The following LRRK1 variants were observed in gnomAD, a reference collection of about 807,000 sequenced individuals.
LRRK1 encodes leucine rich repeat kinase 1.
LRRK1 carries 113 observed loss-of-function variants against 209.1 expected under a neutral mutation model. That is an observed-to-expected ratio of 0.54 (90% CI 0.46 to 0.63). The LOEUF is 0.63. Among genes scored for constraint, LRRK1 ranks in the 30% least tolerant of loss-of-function variants. LRRK1 has a pLI of 0.00. For missense variants in LRRK1, 2,284 were observed against 2,632.2 expected, an observed-to-expected ratio of 0.87 and a Z score of 2.89; for synonymous variants, 1,144 against 1,099.7, an observed-to-expected ratio of 1.04 and a Z score of -0.80.
At position 101,025,943 on chromosome 15, in the gene LRRK1, G is replaced by T. The variant is rs755384184; in HGVS notation, c.2233-22G>T. ...GTTCCATGAACAGAGACAGTACTCA[G>T]CCGTGGGGTTCTCTGTTGCAGGCCA... is the stretch of plus-strand genomic sequence containing the variant. On this transcript the variant is annotated intron_variant, in intron 16 of 33. Coordinates refer to ENST00000388948, the MANE Select transcript of LRRK1 (RefSeq NM_024652.6). 5 of 1,613,588 alleles carry T rather than the reference G, an allele frequency of 3.1e-6. No homozygotes were observed. The South Asian group carries it at 5.5e-5, about 18-fold the overall frequency.
intron 2 of LRRK1, among the ~76,000 whole-genome samples, chr15:100,962,812 TATATATA>T (rs1446302268): frequency 3.2e-5 from 1 of 31,664 alleles, no homozygotes; most frequent in African/African-American, 1.0e-4. Flanking sequence ...TATATATATA[TATATATA>T]TATATTTTTT....
At chr15:101,037,438 C>T (rs888466520) in intron 20 of LRRK1, among the ~76,000 whole-genome samples, 1 of 152,094 alleles carries the variant, frequency 6.6e-6, no homozygotes, top group African/African-American at 2.4e-5. Context: ...GCACAGGGGC[C>T]AGGGGACATG....
At chr15:101,066,241 C>A (rs754543159) in intron 32 of LRRK1, 36 bp downstream of exon 32, 3 of 1,567,552 alleles carry the variant, frequency 1.9e-6, no homozygotes, top group Non-Finnish European at 1.7e-6. Context: ...ATCCAGGGCA[C>A]GCCCACTGCT....
chr15:100,990,982 C>T (rs1402692788), intron 6 of LRRK1, among the ~76,000 whole-genome samples: 1 of 151,984 alleles, frequency 6.6e-6, no homozygotes, highest in Non-Finnish European at 1.5e-5. Flanking sequence ...AAGCTTTAAC[C>T]TTTCTGGTAT....
intron 2 of LRRK1, among the ~76,000 whole-genome samples, chr15:100,966,026 A>G (rs936617936): frequency 6.6e-6 from 1 of 152,198 alleles, no homozygotes; most frequent in East Asian, 1.9e-4. Flanking sequence ...CTTTATGAGG[A>G]AAATATTTAG....
intron 5 of LRRK1, 113 bp from the exon 6 acceptor site, chr15:100,989,137 C>A: frequency 1.1e-6 from 1 of 945,694 alleles, no homozygotes; most frequent in Non-Finnish European, 1.6e-6. Context: ...ATAGAGAAGT[C>A]CAACATGCAC....
chr15:100,939,321 T>C (rs2042359434), intron 2 of LRRK1, among the ~76,000 whole-genome samples: 1 of 152,214 alleles, frequency 6.6e-6, no homozygotes, highest in Admixed American at 6.5e-5. Context: ...TGTTTGTCCT[T>C]TGCAATTTTC....
At chr15:100,981,550 G>C (rs2031601258) in intron 3 of LRRK1, among the ~76,000 whole-genome samples, 1 of 152,152 alleles carries the variant, frequency 6.6e-6, no homozygotes, top group Admixed American at 6.5e-5. Flanking sequence ...AACAGAACCT[G>C]AGCCTTCCTC....
chr15:101,022,240 T>C lies in LRRK1; in HGVS notation c.1853-143T>C, dbSNP rs1596286349. The C allele has an allele frequency of 2.4e-6, 2 of 830,440 alleles. No homozygotes were observed. The highest frequency in any genetic ancestry group is 3.8e-6 in the Non-Finnish European group (2 of 521,718). The allele number at this position is 830,440 out of a possible 1,614,324, so 51.4% of individuals were successfully genotyped here. ...CTTTTAGGGTGGTTAGTGTCATGCC[T>C]TCCCTCCCCCTGATCCAGTAGTCTT... On this transcript the variant is annotated intron_variant, in intron 14 of 33. Transcript: ENST00000388948. This position sits in a 1 kb window ranked among gnomAD's most constrained non-coding sequence, Gnocchi z 4.0.
At chr15:100,989,579 G>A in intron 6 of LRRK1, 181 bp downstream of exon 6, 1 of 635,344 alleles carries the variant, frequency 1.6e-6, no homozygotes, top group Non-Finnish European at 2.7e-6. Flanking sequence ...ATATGAAGGT[G>A]GAGGGCAAGA....
chr15:101,027,455 C>T lies in LRRK1; in HGVS notation c.2526+74C>T. On this transcript the variant is annotated intron_variant, in intron 18 of 33. Transcript: ENST00000388948. The surrounding 1 kb of genome is among the most constrained non-coding windows in gnomAD (Gnocchi z 5.1). ...GTTGGGGGTCCTCACTTCCCCCTCT[C>T]TCCTGTGAAGCCCATGTCTGTGTGG... 2.5e-6 allele frequency: 4 copies of T among 1,569,808 alleles called. No individual in the cohort carries two copies. The highest frequency in any genetic ancestry group is 2.6e-6 in the Non-Finnish European group (3 of 1,157,110).
At chr15:101,028,031 T>G (rs1295753561) in intron 19 of LRRK1, among the ~76,000 whole-genome samples, 2 of 152,204 alleles carry the variant, frequency 1.3e-5, no homozygotes, top group Non-Finnish European at 2.9e-5. Flanking sequence ...ACATACAAGC[T>G]GATGGACTGG....
Position 100,927,162 on chromosome 15 carries a change from C to T in LRRK1, c.97+2433C>T, listed in dbSNP as rs147524466. Reference sequence around the variant, plus strand: ...TCATTCAGGAGGCCTGGGGCACAGACAGCCTGCGTTTCTAGGTCCCCAGGG... The same window carrying T: ...TCATTCAGGAGGCCTGGGGCACAGATAGCCTGCGTTTCTAGGTCCCCAGGG... On this transcript the variant is annotated intron_variant, in intron 2 of 33. Transcript: ENST00000388948. Among the ~76,000 whole-genome samples the T allele has an allele frequency of 1.4e-4, 22 of 152,342 alleles. No homozygotes were observed. The East Asian group carries it at 4.0e-3, about 28-fold the overall frequency.
chr15:100,960,227 G>A (rs570738142), intron 2 of LRRK1, among the ~76,000 whole-genome samples: 3 of 145,104 alleles, frequency 2.1e-5, no homozygotes, highest in South Asian at 2.2e-4. Context: ...CAAAATCACC[G>A]TTCTTTGCTC....
At chr15:100,944,885 C>CT (rs1342165082) in intron 2 of LRRK1, among the ~76,000 whole-genome samples, 1 of 152,194 alleles carries the variant, frequency 6.6e-6, no homozygotes, top group Non-Finnish European at 1.5e-5. Flanking sequence ...CTTCCAGAAT[C>CT]TTTTTTATAA....
chr15:101,046,103 A>G lies in LRRK1; in HGVS notation c.3086A>G (p.Gln1029Arg). ...AGCTTCGTTCCCGTTGGCTTCTGGC[A>G]AAGGTTTATAGCACGGATGCTGATC... Reference protein sequence around the residue: ...KMSFVPVGFWQRFIARMLISL... With the variant: ...KMSFVPVGFWRRFIARMLISL... Residue 1029 changes from glutamine to arginine, a missense_variant, in exon 21 of 34, where the codon CAA (glutamine) becomes CGA (arginine). Gln to Arg is a conservative substitution (Grantham distance 43). Coordinates refer to ENST00000388948, the MANE Select transcript of LRRK1 (RefSeq NM_024652.6). 1 of 1,614,250 alleles carries G rather than the reference A, an allele frequency of 6.2e-7. No homozygotes were observed. The highest frequency in any genetic ancestry group is 8.5e-7 in the Non-Finnish European group (1 of 1,180,042).
rs1054519648 is a variant in LRRK1 at position 101,074,410 on chromosome 15, C to A, written c.*5562C>A. The A allele has an allele frequency of 6.6e-6, 1 of 152,198 alleles. No homozygotes were observed. 9.4% of individuals were successfully genotyped at this position (152,198 alleles called of 1,614,324 possible). On this transcript the variant is annotated 3_prime_UTR_variant, in exon 34 of 34. Coordinates refer to ENST00000388948, the MANE Select transcript of LRRK1 (RefSeq NM_024652.6). ...GCTAAAGGCATAGTCAAGGTTAATGCTCCTTTTTCTTTATCCCAAATCAGA... is the reference window on the plus strand; with the variant it reads ...GCTAAAGGCATAGTCAAGGTTAATGATCCTTTTTCTTTATCCCAAATCAGA...
rs2034114823 is a variant in LRRK1 at position 101,027,894 on chromosome 15, G to A, written c.2686+97G>A. The stretch of plus-strand genomic sequence containing the variant: ...TGGCCTCAGTAATGAATGAGAGACC[G>A]ACACCCAGCCTGCGTTTCTGCCTTC... On this transcript the variant is annotated intron_variant, in intron 19 of 33. Transcript: ENST00000388948. The surrounding 1 kb of genome is among the most constrained non-coding windows in gnomAD (Gnocchi z 5.1). 7.0e-6 allele frequency: 8 copies of A among 1,141,150 alleles called. No homozygotes were observed. Among genetic ancestry groups the A allele is most frequent in the Admixed American group, 2.7e-5 (1 of 36,512 alleles). 70.7% of individuals were successfully genotyped at this position (1,141,150 alleles called of 1,614,324 possible).
At position 100,973,861 on chromosome 15, in the gene LRRK1, C is replaced by T; in HGVS notation, c.155C>T (p.Ser52Phe). The change falls in exon 3 of 34, where the codon TCC (serine) becomes TTC (phenylalanine). Residue 52 changes from serine to phenylalanine, a missense_variant. Transcript: ENST00000388948. ...STRGGDPAAR[S>F]RRTEGIRAAY... Reference sequence around the variant, plus strand: ...CGGGGCGGTGACCCTGCAGCGCGGTCCCGCAGGACGGAAGGCATCCGCGCC... The same window carrying T: ...CGGGGCGGTGACCCTGCAGCGCGGTTCCGCAGGACGGAAGGCATCCGCGCC... The T allele has an allele frequency of 7.7e-6, 10 of 1,291,878 alleles. No individual in the cohort carries two copies. Among genetic ancestry groups the T allele is most frequent in the Non-Finnish European group, 8.9e-6 (9 of 1,015,590 alleles). The allele number at this position is 1,291,878 out of a possible 1,614,324, so 80.0% of individuals were successfully genotyped here.
Sources: gnomAD v4.1 joint callset for allele counts (sites outside exome capture counted in the v4.1 genomes callset) on GRCh38, gnomAD v4.1.1 for gene constraint, Gnocchi (gnomAD v3.1) non-coding constraint, MANE v1.5 for transcripts, NCBI Gene and HGNC (gene_info 2026-07-23, HGNC 2026-07-21) for gene names.